Variants in FRMD4B observed in about 807,000 individuals in gnomAD.
The protein encoded by FRMD4B is FERM domain-containing protein 4B.
FRMD4B carries 74 observed loss-of-function variants against 141.5 expected under a neutral mutation model. The observed-to-expected ratio is 0.52, with a 90% CI of 0.43 to 0.63. The LOEUF is 0.63. FRMD4B is among the 30% of genes least tolerant of loss of function. The pLI is 0.00. For missense variants in FRMD4B, 1,366 were observed against 1,253.4 expected, an observed-to-expected ratio of 1.09 and a Z score of -1.36; for synonymous variants, 506 against 467.9, an observed-to-expected ratio of 1.08 and a Z score of -1.05.
At chr3:69,364,943 A>G (rs1171955971) in intron 1 of FRMD4B, among the ~76,000 whole-genome samples, 1 of 152,188 alleles carries the variant, frequency 6.6e-6, no homozygotes, top group Non-Finnish European at 1.5e-5. Context: ...CATTTACAGA[A>G]GAGATAAAAC....
At chr3:69,280,607 C>T (rs749131993) in intron 5 of FRMD4B, among the ~76,000 whole-genome samples, 2 of 152,136 alleles carry the variant, frequency 1.3e-5, no homozygotes, top group Non-Finnish European at 2.9e-5. Flanking sequence ...GGATATGCCT[C>T]CCCCATGAAT....
At chr3:69,308,534 C>T (rs138775858) in intron 3 of FRMD4B, among the ~76,000 whole-genome samples, 1 of 150,876 alleles carries the variant, frequency 6.6e-6, no homozygotes, top group East Asian at 2.0e-4. Flanking sequence ...ACTTTCTGGG[C>T]TCATGCAATC....
intron 5 of FRMD4B, among the ~76,000 whole-genome samples, chr3:69,281,444 A>T (rs2093643895): frequency 6.6e-6 from 1 of 152,144 alleles, no homozygotes; most frequent in Non-Finnish European, 1.5e-5. Context: ...ACTTCTTGGG[A>T]AACAAGTGTT....
intron 21 of FRMD4B, among the ~76,000 whole-genome samples, chr3:69,180,012 A>T (rs746978529): frequency 3.9e-5 from 6 of 152,190 alleles, no homozygotes; most frequent in Non-Finnish European, 8.8e-5. Context: ...CAAAGTCAAC[A>T]TCAAGAGTAT....
intron 2 of FRMD4B, among the ~76,000 whole-genome samples, chr3:69,313,066 C>A (rs1701655780): frequency 1.3e-5 from 2 of 152,132 alleles, no homozygotes; most frequent in Admixed American, 1.3e-4. Flanking sequence ...TGTAGCTGGA[C>A]AGTGGCAGAC....
intron 22 of FRMD4B, among the ~76,000 whole-genome samples, chr3:69,175,781 T>G (rs2092638227): frequency 7.0e-6 from 1 of 142,740 alleles, no homozygotes; most frequent in Non-Finnish European, 1.5e-5. Flanking sequence ...TTTTTTTTTT[T>G]TTTTTTTTTT....
Position 69,507,984 on chromosome 3 carries a change from A to G in FRMD4B, c.-129+34222T>C, listed in dbSNP as rs1706627841. On this transcript the variant is annotated intron_variant, in intron 1 of 5. Transcript: ENST00000459638. ...AACTTAAGGCATGAAATCTCTAAGA[A>G]CAGGGATTTCCCACATGGATAACCT... 3.3e-5 allele frequency among the ~76,000 whole-genome samples: 5 copies of G among 152,342 alleles called. No homozygotes were observed. In the South Asian group the frequency reaches 8.3e-4, roughly 25 times the overall value.
intron 1 of FRMD4B, among the ~76,000 whole-genome samples, chr3:69,363,653 T>G (rs1703545058): frequency 6.6e-6 from 1 of 152,114 alleles, no homozygotes; most frequent in Admixed American, 6.5e-5. Context: ...CCTCCCAAAG[T>G]GCTAGGATTA....
intron 1 of FRMD4B, among the ~76,000 whole-genome samples, chr3:69,519,624 C>T (rs1700819763): frequency 6.6e-6 from 1 of 151,984 alleles, no homozygotes; most frequent in South Asian, 2.1e-4. Context: ...GAATCAAAAC[C>T]CCACATTTTA....
At chr3:69,200,650 G>C in intron 11 of FRMD4B, 1 of 1,236,374 alleles carries the variant, frequency 8.1e-7, no homozygotes, top group African/African-American at 1.5e-5. Context: ...GGAGAGGAGG[G>C]CAAAGTTCTC....
At chr3:69,384,000 A>G (rs1704188332) in intron 1 of FRMD4B, among the ~76,000 whole-genome samples, 1 of 151,202 alleles carries the variant, frequency 6.6e-6, no homozygotes, top group African/African-American at 2.4e-5. Flanking sequence ...GGGTCTCACT[A>G]TGTTGCCCGG....
Position 69,295,761 on chromosome 3 carries a change from A to G in FRMD4B, c.416+6582T>C, listed in dbSNP as rs192003714. Among the ~76,000 whole-genome samples, 43 of 152,022 alleles carry G rather than the reference A, an allele frequency of 2.8e-4. 1 individual carries two copies. The highest frequency in any genetic ancestry group is 2.1e-4 in the Non-Finnish European group (14 of 67,978). ...CAGTGAAACCTTGCACTGAAAACTG[A>G]GCTTCTAATTTCCGTGTTCTCTAGC... is the stretch of plus-strand genomic sequence containing the variant. On this transcript the variant is annotated intron_variant, in intron 4 of 22. Coordinates refer to ENST00000398540, the MANE Select transcript of FRMD4B (RefSeq NM_015123.3).
intron 1 of FRMD4B, among the ~76,000 whole-genome samples, chr3:69,457,215 A>C (rs955085119): frequency 7.9e-5 from 12 of 152,222 alleles, no homozygotes; most frequent in African/African-American, 2.9e-4. Context: ...ACAGCAAGCA[A>C]AAATTTTAAG....
intron 5 of FRMD4B, among the ~76,000 whole-genome samples, chr3:69,257,676 T>C (rs1444562164): frequency 3.3e-5 from 5 of 152,150 alleles, no homozygotes; most frequent in African/African-American, 1.2e-4. Context: ...CTTTTTTTTT[T>C]CTTGAGACAG....
At chr3:69,428,873 C>A (rs958410057) in intron 2 of FRMD4B, among the ~76,000 whole-genome samples, 1 of 152,196 alleles carries the variant, frequency 6.6e-6, no homozygotes, top group Non-Finnish European at 1.5e-5. Flanking sequence ...CAGCTCTTGG[C>A]AACCACCACT....
intron 1 of FRMD4B, among the ~76,000 whole-genome samples, chr3:69,465,978 C>G (rs1366840880): frequency 6.6e-6 from 1 of 152,152 alleles, no homozygotes; most frequent in Non-Finnish European, 1.5e-5. Context: ...CTGTCTTCCA[C>G]AAATAGTTGA....
At chr3:69,334,660 T>G (rs9820308) in intron 1 of FRMD4B, among the ~76,000 whole-genome samples, 26,689 of 151,988 alleles carry the variant, frequency 0.18, 2,680 homozygotes, top group African/African-American at 0.27. Flanking sequence ...CAATGACCCC[T>G]GGGTTTCAGT....
At chr3:69,176,211 ATTAGG>A (rs917055451) in intron 22 of FRMD4B, among the ~76,000 whole-genome samples, 1 of 152,132 alleles carries the variant, frequency 6.6e-6, no homozygotes, top group Non-Finnish European at 1.5e-5. Context: ...AATGAGTTAG[ATTAGG>A]GGTTAGCAAA....
In FRMD4B at chr3:69,200,848, T is replaced by G. The variant is rs746853035; in HGVS notation, c.877-2074A>C. 5 of 468,382 alleles carry G rather than the reference T, an allele frequency of 1.1e-5. No individual in the cohort carries two copies. The East Asian group carries it at 2.8e-4, about 26-fold the overall frequency. The allele number at this position is 468,382 out of a possible 1,614,324, so 29.0% of individuals were successfully genotyped here. ...ACAGGTTCTACAGGAAGAGTTACAATGCAGCTCAGCTGTGTTTTCCTTTGC... is the reference window on the plus strand; with the variant it reads ...ACAGGTTCTACAGGAAGAGTTACAAGGCAGCTCAGCTGTGTTTTCCTTTGC... On this transcript the variant is annotated intron_variant, in intron 11 of 22. Coordinates refer to ENST00000398540, the MANE Select transcript of FRMD4B (RefSeq NM_015123.3).
Sources: allele counts gnomAD v4.1 joint callset (sites outside exome capture counted in the v4.1 genomes callset), GRCh38; gene constraint gnomAD v4.1.1; transcripts MANE v1.5; gene names NCBI Gene and HGNC (gene_info 2026-07-23, HGNC 2026-07-21).